The following FOXP4 variants were observed in gnomAD, a reference collection of about 807,000 sequenced individuals.
FOXP4 encodes the protein forkhead box P4, also known as forkhead box protein P4.
A neutral mutation model predicts 82.6 loss-of-function variants in FOXP4; 25 were observed. The ratio of observed to expected loss-of-function variants is 0.30; its 90% CI spans 0.22 to 0.42. The LOEUF (loss-of-function observed/expected upper bound fraction) is 0.42, where lower values mean the gene tolerates loss of function less well. FOXP4 is among the 10% of genes least tolerant of loss of function. FOXP4 has a pLI of 1.00. For synonymous variants in FOXP4, 415 were observed against 388.2 expected (o/e 1.07, Z -0.81); for missense variants, 785 against 900.9 (o/e 0.87, Z 1.65).
chr6:41,588,024 G>A (rs1766260613), intron 8 of FOXP4, 127 bp downstream of exon 8: 1 of 625,408 alleles, frequency 1.6e-6, no homozygotes, highest in Non-Finnish European at 2.9e-6. Context: ...TCACTCCAGA[G>A]GGTTCTAGTT....
intron 2 of FOXP4, among the ~76,000 whole-genome samples, chr6:41,575,478 C>T (rs1368480493): frequency 1.3e-5 from 2 of 151,028 alleles, no homozygotes; most frequent in African/African-American, 4.9e-5. Flanking sequence ...TTGGCCAGAC[C>T]TAAGGTCTTA....
chr6:41,594,415 T>A (rs1440590506), intron 13 of FOXP4, among the ~76,000 whole-genome samples: 6 of 152,148 alleles, frequency 3.9e-5, no homozygotes, highest in African/African-American at 1.4e-4. Flanking sequence ...TTCCCAAACT[T>A]TTAAAAGCTT....
At chr6:41,571,753 C>T (rs570469072) in intron 2 of FOXP4, among the ~76,000 whole-genome samples, 10 of 152,066 alleles carry the variant, frequency 6.6e-5, no homozygotes, top group Non-Finnish European at 1.0e-4. Context: ...CCTTGTCCCC[C>T]CTCTCTGTGT....
chr6:41,570,949 C>T (rs1304583316), intron 2 of FOXP4, among the ~76,000 whole-genome samples: 1 of 152,148 alleles, frequency 6.6e-6, no homozygotes, highest in Non-Finnish European at 1.5e-5. Flanking sequence ...AACTGCATCC[C>T]CCACCACCAC....
rs143328674 is a variant in FOXP4 at position 41,598,560 on chromosome 6, C to T, written c.1896-229C>T. Among the ~76,000 whole-genome samples, 1,019 of 152,300 alleles carry T rather than the reference C, an allele frequency of 6.7e-3. 10 individuals are homozygous for T. The highest frequency in any genetic ancestry group is 0.023 in the African/African-American group (941 of 41,574). ...CTCCTTCCTCCGTTCGCTCATCTCCCCTCTGCTCCCCTCTTCTCTCCTCCC... is the reference window on the plus strand; with the variant it reads ...CTCCTTCCTCCGTTCGCTCATCTCCTCTCTGCTCCCCTCTTCTCTCCTCCC... On this transcript the variant is annotated intron_variant, in intron 16 of 16. Transcript: ENST00000307972.
intron 2 of FOXP4, 64 bp from the exon 3 acceptor site, chr6:41,577,922 C>A: frequency 8.1e-7 from 1 of 1,239,472 alleles, no homozygotes; most frequent in Non-Finnish European, 1.2e-6. Context: ...GCCCCAAACA[C>A]TCCCTAATCC....
rs1477570984 is a variant in FOXP4 at position 41,546,802 on chromosome 6, G to A, written c.-82G>A. 6.8e-6 allele frequency: 1 copy of A among 147,882 alleles called. No homozygotes were observed. The highest frequency in any genetic ancestry group is 1.5e-5 in the Non-Finnish European group (1 of 66,540). 9.2% of individuals were successfully genotyped at this position (147,882 alleles called of 1,614,324 possible). On this transcript the variant is annotated 5_prime_UTR_variant, in exon 1 of 17. Transcript: ENST00000307972. ...CGGCGGCGGGCCCGGGCTGCGACCG[G>A]AGCGAGCCCCATGCCCCGCGCGGGC... is the stretch of plus-strand genomic sequence containing the variant.
chr6:41,564,628 G>A (rs1266324623), intron 1 of FOXP4, among the ~76,000 whole-genome samples: 1 of 152,110 alleles, frequency 6.6e-6, no homozygotes. Context: ...TTTGCCTTGG[G>A]TATGTAACCT....
intron 1 of FOXP4, among the ~76,000 whole-genome samples, chr6:41,563,098 G>T (rs940729196): frequency 1.3e-5 from 2 of 152,214 alleles, no homozygotes; most frequent in African/African-American, 4.8e-5. Flanking sequence ...CTGGGTTGGG[G>T]GAAGAGCAAG....
chr6:41,602,050 A>G lies in FOXP4; in HGVS notation c.*3114A>G, dbSNP rs192137368. The G allele has an allele frequency of 2.6e-5, 4 of 152,092 alleles. No homozygotes were observed. Among genetic ancestry groups the G allele is most frequent in the East Asian group, 1.9e-4 (1 of 5,152 alleles). 9.4% of individuals were successfully genotyped at this position (152,092 alleles called of 1,614,324 possible). A position where few individuals can be genotyped will look rare whatever the true frequency, so the allele number is the denominator to read the frequency against. On this transcript the variant is annotated 3_prime_UTR_variant, in exon 17 of 17. Coordinates refer to ENST00000307972, the MANE Select transcript of FOXP4 (RefSeq NM_001012426.2). Reference sequence around the variant, plus strand: ...TGTCTTTTGTCCTTTTCGTCCATCTATTTCTGTCTGTCGCTCACTCGCCCC... The same window carrying G: ...TGTCTTTTGTCCTTTTCGTCCATCTGTTTCTGTCTGTCGCTCACTCGCCCC...
At chr6:41,588,128 G>C (rs1428549831) in intron 8 of FOXP4, among the ~76,000 whole-genome samples, 2 of 152,150 alleles carry the variant, frequency 1.3e-5, no homozygotes, top group African/African-American at 2.4e-5. Context: ...CCCAGCGCAG[G>C]GTGCGGGTAG....
At chr6:41,553,820 TC>T (rs1008744591) in intron 1 of FOXP4, among the ~76,000 whole-genome samples, 33 of 152,272 alleles carry the variant, frequency 2.2e-4, no homozygotes, top group South Asian at 4.1e-4. Context: ...CCAGAACTGA[TC>T]CATTAAAACA....
At chr6:41,576,343 G>A (rs1765484665) in intron 2 of FOXP4, among the ~76,000 whole-genome samples, 1 of 152,208 alleles carries the variant, frequency 6.6e-6, no homozygotes, top group South Asian at 2.1e-4. Context: ...AGGCTCGGCT[G>A]TTTGCACTGA....
chr6:41,549,218 G>A (rs563138076), intron 1 of FOXP4, among the ~76,000 whole-genome samples: 40 of 152,206 alleles, frequency 2.6e-4, no homozygotes, highest in Non-Finnish European at 5.1e-4. Flanking sequence ...CGCCTGGGTG[G>A]AGTTTTCTGT....
rs537777742 is a variant in FOXP4 at position 41,597,658 on chromosome 6, G to A, written c.1726-123G>A. On this transcript the variant is annotated intron_variant, in intron 15 of 16. Transcript: ENST00000307972. The stretch of plus-strand genomic sequence containing the variant: ...GCTTGGGGGTTGCCCAGACAGATCC[G>A]CCCGTGGGGCCAGTAGGCAGACACA... The A allele has an allele frequency of 4.8e-4, 605 of 1,266,734 alleles. 5 individuals are homozygous for A. The South Asian group carries it at 7.6e-3, about 16-fold the overall frequency. The allele number at this position is 1,266,734 out of a possible 1,614,324, so 78.5% of individuals were successfully genotyped here.
intron 2 of FOXP4, among the ~76,000 whole-genome samples, chr6:41,577,593 T>C (rs897898689): frequency 6.6e-6 from 1 of 152,180 alleles, no homozygotes; most frequent in African/African-American, 2.4e-5. Context: ...CAGAGGAAGA[T>C]TAAATAAGCT....
At chr6:41,548,718 G>A (rs1355090107) in intron 1 of FOXP4, 1 of 152,342 alleles carries the variant, frequency 6.6e-6, no homozygotes, top group Non-Finnish European at 1.5e-5. Context: ...GTAGGTGCAG[G>A]GGCCGAAGGC....
chr6:41,573,122 T>G (rs547360589), intron 2 of FOXP4, among the ~76,000 whole-genome samples: 5 of 152,082 alleles, frequency 3.3e-5, no homozygotes, highest in South Asian at 4.1e-4. Flanking sequence ...GTCCCTGCCC[T>G]CCTGCACACA....
At chr6:41,562,477 G>A (rs371805967) in intron 1 of FOXP4, among the ~76,000 whole-genome samples, 27 of 152,212 alleles carry the variant, frequency 1.8e-4, no homozygotes, top group Middle Eastern at 3.4e-3. Context: ...TTCACTGGGT[G>A]TTACTCTGTA....
Sources: gnomAD v4.1 joint callset for allele counts (sites outside exome capture counted in the v4.1 genomes callset) on GRCh38, gnomAD v4.1.1 for gene constraint, MANE v1.5 for transcripts, NCBI Gene and HGNC (gene_info 2026-07-23, HGNC 2026-07-21) for gene names.